The following CCDC85A variants were observed in gnomAD, a reference collection of about 807,000 sequenced individuals.
CCDC85A encodes the protein coiled-coil domain-containing protein 85A.
In CCDC85A, 38 loss-of-function variants were observed where a neutral mutation model predicts 50.2. The ratio of observed to expected loss-of-function variants is 0.76; its 90% CI spans 0.58 to 0.99. The LOEUF is 0.99. Among genes scored for constraint, CCDC85A ranks in the 50% least tolerant of loss-of-function variants. CCDC85A has a pLI of 0.00. For missense variants in CCDC85A, 820 were observed against 742.0 expected, an observed-to-expected ratio of 1.11 and a Z score of -1.22; for synonymous variants, 366 against 301.4, an observed-to-expected ratio of 1.21 and a Z score of -2.22.
chr2:56,272,419 A>G (rs1248872401), intron 2 of CCDC85A, among the ~76,000 whole-genome samples: 1 of 152,162 alleles, frequency 6.6e-6, no homozygotes, highest in African/African-American at 2.4e-5. Context: ...AACACTCCCC[A>G]AATGCATTTA....
intron 2 of CCDC85A, among the ~76,000 whole-genome samples, chr2:56,341,286 C>T (rs1465882978): frequency 6.6e-6 from 1 of 152,116 alleles, no homozygotes; most frequent in East Asian, 1.9e-4. Context: ...AAGTGGTAAT[C>T]AACAGTACCA....
At chr2:56,300,671 C>T (rs994657565) in intron 2 of CCDC85A, among the ~76,000 whole-genome samples, 1 of 152,104 alleles carries the variant, frequency 6.6e-6, no homozygotes, top group Admixed American at 6.6e-5. Flanking sequence ...GAATTTATAC[C>T]CTTCCTTTAT....
intron 3 of CCDC85A, among the ~76,000 whole-genome samples, chr2:56,345,281 C>T (rs1674580447): frequency 6.6e-6 from 1 of 152,124 alleles, no homozygotes; most frequent in African/African-American, 2.4e-5. Context: ...GATGCACCAT[C>T]ATGATATGTA....
At chr2:56,226,847 G>A (rs1167371048) in intron 2 of CCDC85A, among the ~76,000 whole-genome samples, 3 of 151,952 alleles carry the variant, frequency 2.0e-5, no homozygotes. Context: ...CAAGCAGAAG[G>A]CTCTTGGGAT....
intron 2 of CCDC85A, among the ~76,000 whole-genome samples, chr2:56,279,779 T>C (rs1313409627): frequency 1.3e-5 from 2 of 152,234 alleles, no homozygotes; most frequent in African/African-American, 4.8e-5. Context: ...AATGAAATCT[T>C]TTTAATGACT....
At chr2:56,275,807 T>C (rs867452369) in intron 2 of CCDC85A, among the ~76,000 whole-genome samples, 11 of 152,210 alleles carry the variant, frequency 7.2e-5, no homozygotes, top group Non-Finnish European at 1.5e-5. Flanking sequence ...TGTTCTGTTA[T>C]TTTTACCCAT....
At chr2:56,359,873 T>C (rs1675434573) in intron 3 of CCDC85A, among the ~76,000 whole-genome samples, 1 of 152,346 alleles carries the variant, frequency 6.6e-6, no homozygotes, top group Admixed American at 6.5e-5. Flanking sequence ...TTTTAGTTGG[T>C]TGTTTCTGCA....
At chr2:56,232,503 T>C (rs1375555160) in intron 2 of CCDC85A, among the ~76,000 whole-genome samples, 1 of 152,158 alleles carries the variant, frequency 6.6e-6, no homozygotes, top group Non-Finnish European at 1.5e-5. Flanking sequence ...GTGCTGTTCT[T>C]GTGATAGTGA....
chr2:56,378,240 C>G (rs1172457491), intron 5 of CCDC85A, among the ~76,000 whole-genome samples: 1 of 152,170 alleles, frequency 6.6e-6, no homozygotes, highest in Non-Finnish European at 1.5e-5. Flanking sequence ...TACAGTGGCT[C>G]AGTTTCTCAC....
At chr2:56,336,784 T>G (rs1674095790) in intron 2 of CCDC85A, among the ~76,000 whole-genome samples, 1 of 152,172 alleles carries the variant, frequency 6.6e-6, no homozygotes, top group African/African-American at 2.4e-5. Flanking sequence ...TACAATTGAA[T>G]GCATTGCAGG....
At chr2:56,256,311 G>C (rs1669983582) in intron 2 of CCDC85A, among the ~76,000 whole-genome samples, 1 of 152,194 alleles carries the variant, frequency 6.6e-6, no homozygotes, top group African/African-American at 2.4e-5. Context: ...TTTTTAAGCA[G>C]AGTCAAGGCA....
chr2:56,328,788 A>G (rs1446537071), intron 2 of CCDC85A, among the ~76,000 whole-genome samples: 1 of 152,062 alleles, frequency 6.6e-6, no homozygotes, highest in Non-Finnish European at 1.5e-5. Flanking sequence ...GACGTATTGA[A>G]TCTGGCTGCT....
At chr2:56,354,915 G>A (rs1174967876) in intron 3 of CCDC85A, among the ~76,000 whole-genome samples, 3 of 152,154 alleles carry the variant, frequency 2.0e-5, no homozygotes, top group Non-Finnish European at 2.9e-5. Flanking sequence ...TAAACATAGC[G>A]TTACTGAGTA....
At chr2:56,251,213 G>A (rs1669741435) in intron 2 of CCDC85A, among the ~76,000 whole-genome samples, 2 of 152,214 alleles carry the variant, frequency 1.3e-5, no homozygotes, top group Non-Finnish European at 1.5e-5. Context: ...GCAGCCCTGT[G>A]TTGAGGGCTC....
At chr2:56,213,740 C>A (rs1677275638) in intron 2 of CCDC85A, among the ~76,000 whole-genome samples, 1 of 151,894 alleles carries the variant, frequency 6.6e-6, no homozygotes. Context: ...ATATTTATTT[C>A]AAGTATAAAA....
intron 2 of CCDC85A, among the ~76,000 whole-genome samples, chr2:56,212,832 C>T (rs1433557040): frequency 6.6e-6 from 1 of 151,904 alleles, no homozygotes; most frequent in Non-Finnish European, 1.5e-5. Context: ...TCTTCCTAAG[C>T]TTCATGTCAC....
chr2:56,200,879 A>G (rs1302750056), intron 2 of CCDC85A, among the ~76,000 whole-genome samples: 1 of 152,148 alleles, frequency 6.6e-6, no homozygotes, highest in Non-Finnish European at 1.5e-5. Context: ...CCTGATCAAA[A>G]TTAGGCACAT....
chr2:56,273,812 A>C (rs1670804442), intron 2 of CCDC85A, among the ~76,000 whole-genome samples: 1 of 152,026 alleles, frequency 6.6e-6, no homozygotes, highest in African/African-American at 2.4e-5. Context: ...GGGAGTCTAG[A>C]AAAAAATGGA....
chr2:56,262,937 C>A (rs1190183575), intron 2 of CCDC85A, among the ~76,000 whole-genome samples: 1 of 152,090 alleles, frequency 6.6e-6, no homozygotes, highest in Non-Finnish European at 1.5e-5. Context: ...AGCTTCAATT[C>A]CATTGCTTCA....
Sources: allele counts gnomAD v4.1 joint callset (sites outside exome capture counted in the v4.1 genomes callset), GRCh38; gene constraint gnomAD v4.1.1; transcripts MANE v1.5; gene names NCBI Gene and HGNC (gene_info 2026-07-23, HGNC 2026-07-21).